The following VPS13B variants were observed in gnomAD, a reference collection of about 807,000 sequenced individuals.
VPS13B encodes vacuolar protein sorting 13 homolog B.
In VPS13B, 285 loss-of-function variants were observed where a neutral mutation model predicts 426.4. The observed-to-expected ratio is 0.67, with a 90% CI of 0.61 to 0.74. VPS13B has a LOEUF of 0.74. Among genes scored for constraint, VPS13B ranks in the 30% least tolerant of loss-of-function variants. The probability of loss-of-function intolerance (pLI) is 0.00; values close to 1 mark genes in which losing one functional copy is unlikely to be tolerated. For missense variants in VPS13B, 4,537 were observed against 4,782.6 expected, an observed-to-expected ratio of 0.95 and a Z score of 1.51; for synonymous variants, 1,676 against 1,676.4, an observed-to-expected ratio of 1.00 and a Z score of 0.01.
intron 30 of VPS13B, among the ~76,000 whole-genome samples, chr8:99,539,066 T>C (rs1192518292): frequency 6.6e-6 from 1 of 152,208 alleles, no homozygotes; most frequent in Non-Finnish European, 1.5e-5. Flanking sequence ...AATTAAGCTA[T>C]TGTCGTCATA....
At chr8:99,410,833 G>A (rs994205324) in intron 21 of VPS13B, among the ~76,000 whole-genome samples, 2 of 152,042 alleles carry the variant, frequency 1.3e-5, no homozygotes, top group Admixed American at 6.6e-5. Flanking sequence ...CTGTTCTTGT[G>A]TTAGTTTGCT....
chr8:99,624,237 G>A (rs1171787363), intron 33 of VPS13B, among the ~76,000 whole-genome samples: 4 of 151,582 alleles, frequency 2.6e-5, no homozygotes, highest in Non-Finnish European at 5.9e-5. Flanking sequence ...TTCTTTTGAT[G>A]TAGTAAGAAC....
chr8:99,305,522 T>TTA (rs1207659400), intron 19 of VPS13B, among the ~76,000 whole-genome samples: 1 of 152,046 alleles, frequency 6.6e-6, no homozygotes, highest in Non-Finnish European at 1.5e-5. Flanking sequence ...CCCCAGATAC[T>TTA]GAGGGATTAC....
chr8:99,519,747 A>C (rs1265129997), intron 29 of VPS13B, among the ~76,000 whole-genome samples: 1 of 147,044 alleles, frequency 6.8e-6, no homozygotes, highest in Non-Finnish European at 1.5e-5. Flanking sequence ...TGGGAATTGA[A>C]CAATGAGAAC....
chr8:99,495,972 CAT>C (rs943821684), intron 25 of VPS13B, among the ~76,000 whole-genome samples: 22 of 152,302 alleles, frequency 1.4e-4, no homozygotes, highest in African/African-American at 4.6e-4. Flanking sequence ...GTTATTAAGA[CAT>C]AGTCCTTTAT....
At chr8:99,288,316 A>G (rs1819551773) in intron 19 of VPS13B, among the ~76,000 whole-genome samples, 1 of 152,060 alleles carries the variant, frequency 6.6e-6, no homozygotes, top group African/African-American at 2.4e-5. Flanking sequence ...ACTCCCAGTC[A>G]TACTTTTACT....
chr8:99,852,949 A>G (rs1297557771), intron 55 of VPS13B, among the ~76,000 whole-genome samples: 1 of 152,074 alleles, frequency 6.6e-6, no homozygotes, highest in African/African-American at 2.4e-5. Flanking sequence ...TGCACTTTGG[A>G]GAGGGGTTCA....
intron 17 of VPS13B, among the ~76,000 whole-genome samples, chr8:99,248,613 CTT>C (rs1230660906): frequency 2.0e-5 from 3 of 152,072 alleles, no homozygotes; most frequent in Admixed American, 1.3e-4. Flanking sequence ...GTTTTTGACA[CTT>C]TTAACTCTTA....
chr8:99,198,130 G>T (rs952249917), intron 17 of VPS13B, among the ~76,000 whole-genome samples: 107 of 152,080 alleles, frequency 7.0e-4, no homozygotes, highest in African/African-American at 2.4e-3. Flanking sequence ...TGCCAATCTT[G>T]TGGCCGTTAT....
chr8:99,433,994 G>A (rs1817246788), intron 22 of VPS13B, among the ~76,000 whole-genome samples: 1 of 152,056 alleles, frequency 6.6e-6, no homozygotes, highest in South Asian at 2.1e-4. Context: ...TTTTAGTAGA[G>A]ATGGGGTTTC....
intron 32 of VPS13B, 124 bp downstream of exon 32, chr8:99,575,908 T>A: frequency 5.3e-6 from 5 of 948,224 alleles, no homozygotes; most frequent in Middle Eastern, 2.9e-4. Context: ...TAATGGCTAC[T>A]ATCATAGCTA....
chr8:99,857,797 C>T (rs1816627918), intron 56 of VPS13B, among the ~76,000 whole-genome samples: 1 of 152,204 alleles, frequency 6.6e-6, no homozygotes, highest in Non-Finnish European at 1.5e-5. Context: ...GGAGAGAATA[C>T]TTTTCTTGCA....
intron 59 of VPS13B, 78 bp from the exon 60 acceptor site, chr8:99,870,707 G>C: frequency 7.4e-7 from 1 of 1,349,246 alleles, no homozygotes; most frequent in Non-Finnish European, 1.1e-6. Context: ...GGATGGCTCT[G>C]AACAGATGAC....
intron 24 of VPS13B, among the ~76,000 whole-genome samples, chr8:99,469,515 A>T (rs1819288364): frequency 6.6e-6 from 1 of 152,082 alleles, no homozygotes; most frequent in Admixed American, 6.6e-5. Flanking sequence ...CTTTTGAATG[A>T]CACTAAATAT....
chr8:99,272,080 A>G (rs940032455), intron 17 of VPS13B, among the ~76,000 whole-genome samples: 1 of 152,236 alleles, frequency 6.6e-6, no homozygotes, highest in Admixed American at 6.5e-5. Flanking sequence ...GTCTTCTTGA[A>G]TACCCTAGAG....
chr8:99,167,920 A>C (rs1345278664), intron 15 of VPS13B, among the ~76,000 whole-genome samples: 2 of 152,168 alleles, frequency 1.3e-5, no homozygotes, highest in Non-Finnish European at 2.9e-5. Context: ...GCTATCCTTC[A>C]TGAAAGCAAC....
At chr8:99,403,044 T>C (rs1815125872) in intron 21 of VPS13B, among the ~76,000 whole-genome samples, 1 of 152,238 alleles carries the variant, frequency 6.6e-6, no homozygotes, top group Non-Finnish European at 1.5e-5. Flanking sequence ...GAAAACCAGT[T>C]GTGGCAGACT....
chr8:99,718,767 A>T (rs1255892783), intron 37 of VPS13B, among the ~76,000 whole-genome samples: 1 of 151,830 alleles, frequency 6.6e-6, no homozygotes, highest in Non-Finnish European at 1.5e-5. Context: ...CCTGGGCTCA[A>T]GAGATCCTCC....
chr8:99,433,496 A>T (rs540434316), intron 22 of VPS13B, among the ~76,000 whole-genome samples: 1 of 152,240 alleles, frequency 6.6e-6, no homozygotes, highest in Non-Finnish European at 1.5e-5. Context: ...ATCAGCACAT[A>T]ACATAGAATT....
Sources: allele counts gnomAD v4.1 joint callset (sites outside exome capture counted in the v4.1 genomes callset), GRCh38; gene constraint gnomAD v4.1.1; transcripts MANE v1.5; gene names NCBI Gene and HGNC (gene_info 2026-07-23, HGNC 2026-07-21).